PAPOLB: variants seen among roughly 807,000 people sequenced by gnomAD.
PAPOLB encodes the protein poly(A) polymerase beta.
A neutral mutation model predicts 23.2 loss-of-function variants in PAPOLB; 19 were observed. The ratio of observed to expected loss-of-function variants is 0.82; its 90% CI spans 0.57 to 1.20. The LOEUF is 1.20. PAPOLB is among the 50% of genes most tolerant of loss of function. The pLI is 0.00. For missense variants in PAPOLB, 822 were observed against 776.8 expected (o/e 1.06, Z -0.69); for synonymous variants, 360 against 290.7 (o/e 1.24, Z -2.43).
Position 4,861,598 on chromosome 7 carries a change from A to C in PAPOLB, c.213T>G (p.Asn71Lys). Residue 71 changes from asparagine (N) to lysine (K), a missense_variant, in exon 1 of 1, where the codon AAT becomes AAG. Coordinates refer to ENST00000404991, the MANE Select transcript of PAPOLB (RefSeq NM_020144.5). ...TTTCGCGTATCCATTCCTTTACCAG[A>C]TTATTTAATTTTTCCAAAACTAAAA... ...RRILVLEKLN[N>K]LVKEWIREIS... is the part of the protein sequence containing the mutation. 1 of 1,611,642 alleles carries C rather than the reference A, an allele frequency of 6.2e-7. No homozygotes were observed. Among genetic ancestry groups the C allele is most frequent in the African/African-American group, 1.3e-5 (1 of 74,762 alleles).
chr7:4,859,909 A>G lies in PAPOLB; in HGVS notation c.1902T>C (p.Tyr634=), dbSNP rs183670110. The part of the protein sequence containing the change: ...PDLQETQQQT[Y]LIL ...CTCTAGACTCCAACTATAGGATTAG[A>G]TATGTTTGTTGCTGAGTTTCCTGAA... Residue 634 remains tyrosine, a synonymous_variant, in exon 1 of 1, where the codon TAT becomes TAC. Coordinates refer to ENST00000404991, the MANE Select transcript of PAPOLB (RefSeq NM_020144.5). The G allele has an allele frequency of 6.7e-5, 107 of 1,607,416 alleles. 1 individual carries two copies. In the East Asian group the frequency reaches 1.7e-3, roughly 25 times the overall value.
rs1378724118 is a variant in PAPOLB, at chr7:4,859,403, C to T, written c.*494G>A. 1 of 155,692 alleles carries T rather than the reference C, an allele frequency of 6.4e-6. No individual in the cohort carries two copies. Among genetic ancestry groups the T allele is most frequent in the African/African-American group, 2.4e-5 (1 of 41,446 alleles). 9.6% of individuals were successfully genotyped at this position (155,692 alleles called of 1,614,324 possible). ...ATGTCAGTCACGGGTACAAACATAG[C>T]TGAAAGGTTTTTTCATTTTAAGGGC... On this transcript the variant is annotated 3_prime_UTR_variant, in exon 1 of 1. Coordinates refer to ENST00000404991, the MANE Select transcript of PAPOLB (RefSeq NM_020144.5).
At position 4,861,909 on chromosome 7, in the gene PAPOLB, T is replaced by C; in HGVS notation, c.-99A>G. ...CGCTGAGGCGGAAGGGCAGGGCTTC[T>C]AGCTGCCCTGGTCCGACCCCACTCC... On this transcript the variant is annotated 5_prime_UTR_variant, in exon 1 of 1. Transcript: ENST00000404991. The C allele has an allele frequency of 1.3e-6, 1 of 788,118 alleles. No individual in the cohort carries two copies. Among genetic ancestry groups the C allele is most frequent in the South Asian group, 2.8e-5 (1 of 35,366 alleles). 48.8% of individuals were successfully genotyped at this position (788,118 alleles called of 1,614,324 possible). A position where few individuals can be genotyped will look rare whatever the true frequency, so the allele number is the denominator to read the frequency against.
chr7:4,861,834 G>A lies in PAPOLB; in HGVS notation c.-24C>T, dbSNP rs781683228. 16 of 1,268,420 alleles carry A rather than the reference G, an allele frequency of 1.3e-5. No individual in the cohort carries two copies. In the South Asian group the frequency reaches 2.1e-4, roughly 17 times the overall value. The allele number at this position is 1,268,420 out of a possible 1,614,324, so 78.6% of individuals were successfully genotyped here. The stretch of plus-strand genomic sequence containing the variant: ...ATCTTTCAGCGCCCGCCCCGCCAGG[G>A]CACGTCCCCCACCACCGCGACCTTC... On this transcript the variant is annotated 5_prime_UTR_variant, in exon 1 of 1. Transcript: ENST00000404991.
At position 4,861,670 on chromosome 7, in the gene PAPOLB, G is replaced by A. The variant is rs774800091; in HGVS notation, c.141C>T (p.Leu47=). The change falls in exon 1 of 1, where the codon CTC becomes CTT. Residue 47 remains leucine, a synonymous_variant. Coordinates refer to ENST00000404991, the MANE Select transcript of PAPOLB (RefSeq NM_020144.5). ...CLLTQRLIET[L]RPFGVFEEEE... ...CCTCTTCGAAGACCCCGAAGGGCCTGAGGGTTTCTATTAGCCTCTGGGTGA... is the reference window on the plus strand; with the variant it reads ...CCTCTTCGAAGACCCCGAAGGGCCTAAGGGTTTCTATTAGCCTCTGGGTGA... 1 of 1,600,896 alleles carries A rather than the reference G, an allele frequency of 6.2e-7. No homozygotes were observed. Among genetic ancestry groups the A allele is most frequent in the Non-Finnish European group, 8.5e-7 (1 of 1,173,856 alleles).
In PAPOLB at chr7:4,861,849, C is replaced by CCGCGACCTTCACGTCCCCCACCAT. The variant is rs767252715; in HGVS notation, c.-40_-39insATGGTGGGGGACGTGAAGGTCGCG. The CCGCGACCTTCACGTCCCCCACCAT allele has an allele frequency of 5.8e-6, 8 of 1,383,036 alleles. No individual in the cohort carries two copies. The highest frequency in any genetic ancestry group is 5.7e-6 in the Non-Finnish European group (6 of 1,058,722). The allele number at this position is 1,383,036 out of a possible 1,614,324, so 85.7% of individuals were successfully genotyped here. ...CCCCGCCAGGGCACGTCCCCCACCA[C>CCGCGACCTTCACGTCCCCCACCAT]CGCGACCTTCGCGGCCGCCGCCCGG... On this transcript the variant is annotated 5_prime_UTR_variant, in exon 1 of 1. It adds an upstream start codon to the 5' untranslated region. Coordinates refer to ENST00000404991, the MANE Select transcript of PAPOLB (RefSeq NM_020144.5).
At position 4,859,864 on chromosome 7, in the gene PAPOLB, CTTT is replaced by C. The variant is rs1160359484; in HGVS notation, c.*30_*32del. The C allele has an allele frequency of 1.4e-6, 2 of 1,445,476 alleles. No individual in the cohort carries two copies. The highest frequency in any genetic ancestry group is 2.0e-5 in the Admixed American group (1 of 50,386). The allele number at this position is 1,445,476 out of a possible 1,614,324, so 89.5% of individuals were successfully genotyped here. A position where few individuals can be genotyped will look rare whatever the true frequency, so the allele number is the denominator to read the frequency against. On this transcript the variant is annotated 3_prime_UTR_variant, in exon 1 of 1. Coordinates refer to ENST00000404991, the MANE Select transcript of PAPOLB (RefSeq NM_020144.5). ...GTTTTGGTTTTCTTGGTCCTTTCTT[CTTT>C]ATGAGGCAAGAATATCCTCTAGACT...
At position 4,861,760 on chromosome 7, in the gene PAPOLB, C is replaced by T; in HGVS notation, c.51G>A (p.Pro17=). The T allele has an allele frequency of 6.7e-7, 1 of 1,485,226 alleles. No individual in the cohort carries two copies. The highest frequency in any genetic ancestry group is 8.9e-7 in the Non-Finnish European group (1 of 1,119,506). The allele number at this position is 1,485,226 out of a possible 1,614,324, so 92.0% of individuals were successfully genotyped here. A position where few individuals can be genotyped will look rare whatever the true frequency, so the allele number is the denominator to read the frequency against. ...TTQGPPQPAP[P]PNRYGVSSPI... Reference sequence around the variant, plus strand: ...GCGAGGAGACGCCGTAGCGATTCGGCGGCGGCGCCGGCTGCGGTGGTCCCT... The same window carrying T: ...GCGAGGAGACGCCGTAGCGATTCGGTGGCGGCGCCGGCTGCGGTGGTCCCT... Residue 17 remains proline (P), a synonymous_variant, in exon 1 of 1, where the codon CCG becomes CCA. Coordinates refer to ENST00000404991, the MANE Select transcript of PAPOLB (RefSeq NM_020144.5).
In PAPOLB at chr7:4,860,548, T is replaced by C. The variant is rs763052915; in HGVS notation, c.1263A>G (p.Ser421=). Residue 421 remains serine, a synonymous_variant, in exon 1 of 1, where the codon TCA becomes TCG. Transcript: ENST00000404991. ...CAGGATTTTCTTTGGGTGCTGGAAA[T>C]GACTGTGGATTCACATGTGCCAGTG... ...FITLAHVNPQ[S]FPAPKENPDM... is the part of the protein sequence containing the mutation. The C allele has an allele frequency of 6.2e-7, 1 of 1,614,222 alleles. No individual in the cohort carries two copies. The highest frequency in any genetic ancestry group is 8.5e-7 in the Non-Finnish European group (1 of 1,180,034).
In PAPOLB at chr7:4,860,505, T is replaced by C; in HGVS notation, c.1306A>G (p.Thr436Ala). 6.2e-7 allele frequency: 1 copy of C among 1,614,156 alleles called. No individual in the cohort carries two copies. The highest frequency in any genetic ancestry group is 8.5e-7 in the Non-Finnish European group (1 of 1,179,968). Residue 436 changes from threonine to alanine, a missense_variant, in exon 1 of 1, where the codon ACA becomes GCA. Transcript: ENST00000404991. ...AGCCCTAACCCAATCACCCACATTG[T>C]ACGAAATTCTTCCATATCAGGATTT... ...KENPDMEEFR[T>A]MWVIGLGLKK...
At position 4,860,895 on chromosome 7, in the gene PAPOLB, T is replaced by C; in HGVS notation, c.916A>G (p.Asn306Asp). ...ATAAGATGGTACCTATCACTGGGAT[T>C]TACTCTTGGGTCCCATACAGGCAAA... The part of the protein sequence containing the change: ...LNLPVWDPRV[N>D]PSDRYHLMPI... Residue 306 changes from asparagine to aspartate, a missense_variant, in exon 1 of 1, where the codon AAT (asparagine) becomes GAT (aspartate). Asn to Asp is a conservative substitution (Grantham distance 23). Transcript: ENST00000404991. 1 of 1,614,206 alleles carries C rather than the reference T, an allele frequency of 6.2e-7. No homozygotes were observed. Among genetic ancestry groups the C allele is most frequent in the South Asian group, 1.1e-5 (1 of 91,088 alleles).
rs1562453886 is a variant in PAPOLB at position 4,860,307 on chromosome 7, C to T, written c.1504G>A (p.Val502Met). 6.2e-6 allele frequency: 10 copies of T among 1,613,872 alleles called. No homozygotes were observed. Among genetic ancestry groups the T allele is most frequent in the South Asian group, 5.5e-5 (5 of 91,092 alleles). ...GAGTGTGCTTTCTTGTCCTGAAGCA[C>T]ATGATGAGGCAGCAGCTGGTGAAGT... ...KELHQLLPHH[V>M]LQDKKAHSTE... Residue 502 changes from valine (V) to methionine (M), a missense_variant, in exon 1 of 1, where the codon GTG becomes ATG. Coordinates refer to ENST00000404991, the MANE Select transcript of PAPOLB (RefSeq NM_020144.5).
Position 4,860,139 on chromosome 7 carries a change from G to A in PAPOLB, c.1672C>T (p.Pro558Ser). The change falls in exon 1 of 1, where the codon CCT (proline) becomes TCT (serine). Residue 558 changes from proline (P) to serine (S), a missense_variant. By Grantham distance (74) the Pro-to-Ser change is moderately conservative. This residue lies in a region of PAPOLB where 534 missense variants were observed against 502.8 expected (regional missense o/e 1.06). Coordinates refer to ENST00000404991, the MANE Select transcript of PAPOLB (RefSeq NM_020144.5). ...GATGCTGTCATTACAGCCAAGGCAG[G>A]ACTGTTTCTACCCTGAGAACTGCTA... The part of the protein sequence containing the change: ...LISSSQGRNS[P>S]ALAVMTASVA... 6.2e-7 allele frequency: 1 copy of A among 1,613,946 alleles called. No homozygotes were observed. Among genetic ancestry groups the A allele is most frequent in the African/African-American group, 1.3e-5 (1 of 75,046 alleles).
At position 4,861,893 on chromosome 7, in the gene PAPOLB, G is replaced by T; in HGVS notation, c.-83C>A. The T allele has an allele frequency of 2.0e-6, 2 of 986,002 alleles. No individual in the cohort carries two copies. The allele number at this position is 986,002 out of a possible 1,614,324, so 61.1% of individuals were successfully genotyped here. On this transcript the variant is annotated 5_prime_UTR_variant, in exon 1 of 1. Coordinates refer to ENST00000404991, the MANE Select transcript of PAPOLB (RefSeq NM_020144.5). ...CGCCCGGGTCATGATCCGCTGAGGC[G>T]GAAGGGCAGGGCTTCTAGCTGCCCT...
rs1783987914 is a variant in PAPOLB, at chr7:4,861,330, A to G, written c.481T>C (p.Cys161Arg). ...EEAFVPVIKL[C>R]FDGIEIDILF... is the part of the protein sequence containing the mutation. ...ATATCAATCTCTATCCCATCAAAAC[A>G]CAGTTTGATAACTGGCACAAATGCC... is the stretch of plus-strand genomic sequence containing the variant. Residue 161 changes from cysteine to arginine, a missense_variant, in exon 1 of 1, where the codon TGT becomes CGT. Around this residue, in one of 3 missense-constraint regions of PAPOLB, gnomAD observed 276 missense variants for 243.9 expected, o/e 1.13. Transcript: ENST00000404991. 3 of 1,613,328 alleles carry G rather than the reference A, an allele frequency of 1.9e-6. No individual in the cohort carries two copies. The highest frequency in any genetic ancestry group is 3.3e-5 in the Admixed American group (2 of 60,010).
chr7:4,859,614 AGAC>A lies in PAPOLB; in HGVS notation c.*280_*282del. On this transcript the variant is annotated 3_prime_UTR_variant, in exon 1 of 1. Transcript: ENST00000404991. ...CTCATTCTCCTTCCTTAGTATTTGAAGACAACAGGTTCAGTTGGCAGATATTGT... is the reference window on the plus strand; with the variant it reads ...CTCATTCTCCTTCCTTAGTATTTGAAAACAGGTTCAGTTGGCAGATATTGT... The A allele has an allele frequency of 2.6e-6, 1 of 381,078 alleles. No individual in the cohort carries two copies. The highest frequency in any genetic ancestry group is 4.8e-6 in the Non-Finnish European group (1 of 207,642). 23.6% of individuals were successfully genotyped at this position (381,078 alleles called of 1,614,324 possible).
At position 4,860,821 on chromosome 7, in the gene PAPOLB, C is replaced by A. The variant is rs992293693; in HGVS notation, c.990G>T (p.Val330=). ...TCATGACCATCCTGGTTGAAATAGA[C>A]ACGTTGTATGTGGAGTTCTGCTGTG... ...AYPQQNSTYN[V]SISTRMVMIE... is the part of the protein sequence containing the mutation. The change falls in exon 1 of 1, where the codon GTG becomes GTT. Residue 330 remains valine (V), a synonymous_variant. Transcript: ENST00000404991. 9 of 1,614,008 alleles carry A rather than the reference C, an allele frequency of 5.6e-6. No individual in the cohort carries two copies. The Admixed American group carries it at 1.0e-4, about 18-fold the overall frequency.
rs183881237 is a variant in PAPOLB, at chr7:4,857,917, C to T, written c.*1980G>A. The stretch of plus-strand genomic sequence containing the variant: ...TAATAAAAATTAGAAATAAAAAGTC[C>T]CAAGGTTCCAGCTTGGTAAAACAGA... On this transcript the variant is annotated 3_prime_UTR_variant, in exon 1 of 1. Coordinates refer to ENST00000404991, the MANE Select transcript of PAPOLB (RefSeq NM_020144.5). 1.3e-5 allele frequency: 2 copies of T among 152,454 alleles called. No homozygotes were observed. Among genetic ancestry groups the T allele is most frequent in the East Asian group, 3.9e-4 (2 of 5,178 alleles). 9.4% of individuals were successfully genotyped at this position (152,454 alleles called of 1,614,324 possible). A position where few individuals can be genotyped will look rare whatever the true frequency, so the allele number is the denominator to read the frequency against.
Position 4,860,967 on chromosome 7 carries a change from A to C in PAPOLB, c.844T>G (p.Trp282Gly), listed in dbSNP as rs1461372098. 1 of 1,614,132 alleles carries C rather than the reference A, an allele frequency of 6.2e-7. No individual in the cohort carries two copies. Among genetic ancestry groups the C allele is most frequent in the African/African-American group, 1.3e-5 (1 of 74,942 alleles). The change falls in exon 1 of 1, where the codon TGG becomes GGG. Residue 282 changes from tryptophan (W) to glycine (G), a missense_variant. By Grantham distance (184) the Trp-to-Gly change is radical. Coordinates refer to ENST00000404991, the MANE Select transcript of PAPOLB (RefSeq NM_020144.5). Reference protein sequence around the residue: ...KFFLVFSEWEWPNPVLLKEPE... With the variant: ...KFFLVFSEWEGPNPVLLKEPE... ...TCCTTCAGTAACACTGGGTTTGGCC[A>C]TTCCCATTCTGAAAATACCAAGAAG...
Sources: allele counts gnomAD v4.1 joint callset, GRCh38; gene constraint gnomAD v4.1.1; regional missense constraint gnomAD v4.1.1; transcripts MANE v1.5; gene names NCBI Gene and HGNC (gene_info 2026-07-23, HGNC 2026-07-21).